RMP64: variants seen among roughly 807,000 people sequenced by gnomAD.
RMP64 encodes the protein nucleolus and neural progenitor protein.
the RMP64 span, chr3:113,005,057 T>C: frequency 3.6e-5 from 6 of 166,262 alleles, no homozygotes; most frequent in East Asian, 9.8e-4. Flanking sequence ...AAAACATAAA[T>C]GTCAGGAGCT....
the RMP64 span, chr3:113,008,352 G>T: frequency 6.2e-7 from 1 of 1,613,576 alleles, no homozygotes; most frequent in South Asian, 1.1e-5. Flanking sequence ...TTGGCATGAG[G>T]AGTTCCTATC....
At chr3:113,007,878 G>T in the RMP64 span, among the ~76,000 whole-genome samples, 1 of 152,180 alleles carries the variant, frequency 6.6e-6, no homozygotes, top group African/African-American at 2.4e-5. Context: ...TTATGCAGTT[G>T]TATCCTCAGG....
chr3:113,013,384 T>C, the RMP64 span: 22 of 1,611,242 alleles, frequency 1.4e-5, no homozygotes, highest in Non-Finnish European at 1.7e-5. Flanking sequence ...CATACTTTGG[T>C]AGTTAAGGGC....
chr3:113,011,365 T>A, the RMP64 span: 1 of 1,599,580 alleles, frequency 6.3e-7, no homozygotes, highest in Admixed American at 1.8e-5. Flanking sequence ...CAAAGGCTCA[T>A]ATAACAAAAT....
the RMP64 span, chr3:113,013,009 T>C: frequency 3.3e-6 from 2 of 612,628 alleles, no homozygotes; most frequent in South Asian, 4.2e-5. Context: ...TTATTAAATT[T>C]AGTTCTTAAA....
At chr3:113,013,451 G>GTT in the RMP64 span, 18 of 1,260,686 alleles carry the variant, frequency 1.4e-5, no homozygotes, top group African/African-American at 5.5e-5. Flanking sequence ...AAAAAAAAGG[G>GTT]TTTTTTTTTT....
At chr3:113,005,875 CCTTT>C in the RMP64 span, 41 of 1,613,654 alleles carry the variant, frequency 2.5e-5, no homozygotes, top group Non-Finnish European at 3.1e-5. Flanking sequence ...TCTGTGGTTT[CCTTT>C]GTCTCCGTAA....
the RMP64 span, chr3:113,011,430 T>A: frequency 6.5e-7 from 1 of 1,533,328 alleles, no homozygotes; most frequent in South Asian, 1.3e-5. Flanking sequence ...TAGGAGCTCA[T>A]TAATTAGCCA....
chr3:113,019,004 C>G, the RMP64 span: 1 of 153,814 alleles, frequency 6.5e-6, no homozygotes, highest in African/African-American at 2.4e-5. Context: ...TTACAGCGCA[C>G]TGTCTCCTAA....
At chr3:113,011,003 T>C in the RMP64 span, 2 of 1,517,238 alleles carry the variant, frequency 1.3e-6, no homozygotes, top group Non-Finnish European at 8.8e-7. Context: ...TTTTATTTGT[T>C]TTTTGTTTTA....
At chr3:113,009,951 C>T in the RMP64 span, among the ~76,000 whole-genome samples, 3 of 141,520 alleles carry the variant, frequency 2.1e-5, no homozygotes, top group Non-Finnish European at 4.7e-5. Context: ...CAGAAGTAGA[C>T]ATTTTGCAAA....
the RMP64 span, chr3:113,019,280 C>T: frequency 5.9e-6 from 3 of 511,440 alleles, no homozygotes; most frequent in Non-Finnish European, 1.0e-5. Context: ...GCCCCCTCAG[C>T]GCACGGCTGA....
At chr3:113,012,230 G>T in the RMP64 span, among the ~76,000 whole-genome samples, 1 of 152,140 alleles carries the variant, frequency 6.6e-6, no homozygotes, top group East Asian at 1.9e-4. Context: ...AAATAGTCTA[G>T]CACATAAGAA....
At chr3:113,011,963 A>C in the RMP64 span, among the ~76,000 whole-genome samples, 1 of 152,238 alleles carries the variant, frequency 6.6e-6, no homozygotes, top group East Asian at 1.9e-4. Context: ...AAGGTTTTCA[A>C]TCTCTAAACA....
chr3:113,010,667 G>C, the RMP64 span: 1 of 1,613,586 alleles, frequency 6.2e-7, no homozygotes, highest in Non-Finnish European at 8.5e-7. Flanking sequence ...GTTTCAGCTG[G>C]TTGCAGAAAG....
At chr3:113,015,694 T>C in the RMP64 span, among the ~76,000 whole-genome samples, 2 of 152,048 alleles carry the variant, frequency 1.3e-5, no homozygotes, top group African/African-American at 4.8e-5. Flanking sequence ...TGTAAGGCAG[T>C]AGTAGAAGTG....
chr3:113,008,442 A>G, the RMP64 span: 10 of 1,598,040 alleles, frequency 6.3e-6, 1 homozygote, highest in South Asian at 5.5e-5. Flanking sequence ...TGAAACGTGG[A>G]AAGATGAGAA....
chr3:113,005,234 T>G, the RMP64 span: 3 of 355,786 alleles, frequency 8.4e-6, no homozygotes, highest in Admixed American at 1.3e-4. Context: ...ATAAAATTAT[T>G]CAGTTTTTCA....
At chr3:113,015,780 A>G in the RMP64 span, among the ~76,000 whole-genome samples, 1 of 152,018 alleles carries the variant, frequency 6.6e-6, no homozygotes, top group South Asian at 2.1e-4. Context: ...TATAAAATAT[A>G]TACACAAATA....
Sources: gnomAD v4.1 joint callset for allele counts (sites outside exome capture counted in the v4.1 genomes callset) on GRCh38, gnomAD v4.1.1 for gene constraint, MANE v1.5 for transcripts, NCBI Gene and HGNC (gene_info 2026-07-23, HGNC 2026-07-21) for gene names.